MACROD2: variants seen among roughly 807,000 people sequenced by gnomAD.
MACROD2 encodes the protein mono-ADP ribosylhydrolase 2, also known as ADP-ribose glycohydrolase MACROD2.
In MACROD2, 36 loss-of-function variants were observed where a neutral mutation model predicts 70.4. That is an observed-to-expected ratio of 0.51 (90% CI 0.39 to 0.68). The LOEUF (loss-of-function observed/expected upper bound fraction) is 0.68. MACROD2 is among the 30% of genes least tolerant of loss of function. MACROD2 has a pLI of 0.00. For synonymous variants in MACROD2, 172 were observed against 178.8 expected (o/e 0.96, Z 0.30); for missense variants, 496 against 538.4 (o/e 0.92, Z 0.78).
chr20:15,458,678 C>T lies in MACROD2; in HGVS notation c.571+27243C>T, dbSNP rs76531914. Among the ~76,000 whole-genome samples, 1,199 of 148,086 alleles carry T rather than the reference C, an allele frequency of 8.1e-3. 11 individuals are homozygous for T. Among genetic ancestry groups the T allele is most frequent in the African/African-American group, 0.027 (1,094 of 40,354 alleles). On this transcript the variant is annotated intron_variant, in intron 7 of 17. Transcript: ENST00000684519. The stretch of plus-strand genomic sequence containing the variant: ...ATTGTGCCATTTATTCAGTAGGTGT[C>T]CACTCAGTACTACCTGAGATTGTCA...
chr20:14,031,239 A>C (rs2053243716), intron 2 of MACROD2, among the ~76,000 whole-genome samples: 1 of 152,204 alleles, frequency 6.6e-6, no homozygotes, highest in African/African-American at 2.4e-5. Flanking sequence ...TCTGTGAGAC[A>C]GATCTCTCTA....
At chr20:15,529,824 G>A (rs1021895610) in intron 8 of MACROD2, among the ~76,000 whole-genome samples, 11 of 152,160 alleles carry the variant, frequency 7.2e-5, no homozygotes, top group Non-Finnish European at 5.9e-5. Flanking sequence ...TAGGAGTTGG[G>A]AGAAAGAAAG....
chr20:14,317,779 C>T (rs898964944), intron 3 of MACROD2, among the ~76,000 whole-genome samples: 3 of 152,184 alleles, frequency 2.0e-5, no homozygotes, highest in South Asian at 2.1e-4. Flanking sequence ...TATGACCTTT[C>T]GAAGTCTTAA....
intron 5 of MACROD2, among the ~76,000 whole-genome samples, chr20:14,833,883 G>A (rs2072999322): frequency 6.6e-6 from 1 of 151,970 alleles, no homozygotes; most frequent in Non-Finnish European, 1.5e-5. Flanking sequence ...AATAAAAATA[G>A]TATAACAAAA....
At chr20:14,212,509 C>T (rs925304219) in intron 3 of MACROD2, among the ~76,000 whole-genome samples, 9 of 152,200 alleles carry the variant, frequency 5.9e-5, no homozygotes, top group Admixed American at 3.9e-4. Context: ...TAAATTATTT[C>T]GCCTTCTCTC....
At chr20:14,220,934 G>A (rs2081667886) in intron 3 of MACROD2, among the ~76,000 whole-genome samples, 1 of 152,132 alleles carries the variant, frequency 6.6e-6, no homozygotes, top group Non-Finnish European at 1.5e-5. Context: ...GTCCTCTCAG[G>A]ATGGCTGGTT....
intron 8 of MACROD2, among the ~76,000 whole-genome samples, chr20:15,836,952 G>A (rs2064121000): frequency 6.6e-6 from 1 of 152,158 alleles, no homozygotes; most frequent in Admixed American, 6.5e-5. Context: ...CAAGGAATGG[G>A]CCTTTGGATG....
At chr20:15,323,165 G>A (rs1257493114) in intron 6 of MACROD2, among the ~76,000 whole-genome samples, 4 of 152,126 alleles carry the variant, frequency 2.6e-5, no homozygotes, top group African/African-American at 9.7e-5. Context: ...TTGGCAGATT[G>A]CCCCCTTTAT....
chr20:15,880,924 C>G (rs1194057946), intron 9 of MACROD2, among the ~76,000 whole-genome samples: 3 of 152,100 alleles, frequency 2.0e-5, no homozygotes, highest in Admixed American at 2.0e-4. Context: ...GAAGTCTTGC[C>G]TCTTCTGGAA....
Position 14,104,593 on chromosome 20 carries a change from G to A in MACROD2, c.271+18865G>A, listed in dbSNP as rs1207311854. Among the ~76,000 whole-genome samples the A allele has an allele frequency of 2.0e-5, 3 of 152,166 alleles. No individual in the cohort carries two copies. In the East Asian group the frequency reaches 5.8e-4, roughly 29 times the overall value. On this transcript the variant is annotated intron_variant, in intron 3 of 17. Coordinates refer to ENST00000684519, the MANE Select transcript of MACROD2 (RefSeq NM_001351661.2). ...TGGTTCTTGGAGTTCACTCAGGACAGTTTTTCTGAAACTTTGAGGTTTTAC... is the reference window on the plus strand; with the variant it reads ...TGGTTCTTGGAGTTCACTCAGGACAATTTTTCTGAAACTTTGAGGTTTTAC...
intron 8 of MACROD2, among the ~76,000 whole-genome samples, chr20:15,703,888 T>G (rs1196236649): frequency 6.6e-6 from 1 of 152,074 alleles, no homozygotes; most frequent in Admixed American, 6.5e-5. Context: ...CACGATGTCT[T>G]ATTTTGTAAA....
chr20:14,114,877 T>C (rs2054496034), intron 3 of MACROD2, among the ~76,000 whole-genome samples: 1 of 152,200 alleles, frequency 6.6e-6, no homozygotes, highest in Admixed American at 6.5e-5. Flanking sequence ...ATTAAAGTAA[T>C]ATCTTCATAA....
intron 7 of MACROD2, among the ~76,000 whole-genome samples, chr20:15,472,675 C>G (rs946232166): frequency 2.0e-5 from 3 of 152,112 alleles, no homozygotes; most frequent in Admixed American, 1.3e-4. Flanking sequence ...ACCTTTTCCC[C>G]TCTTGCTATC....
intron 5 of MACROD2, among the ~76,000 whole-genome samples, chr20:14,726,379 C>A (rs6074782): frequency 6.6e-6 from 1 of 152,258 alleles, no homozygotes; most frequent in Admixed American, 6.5e-5. Context: ...TTCAGGGCAC[C>A]TTGTACACAG....
intron 3 of MACROD2, among the ~76,000 whole-genome samples, chr20:14,263,214 C>G (rs762754915): frequency 7.9e-5 from 12 of 152,110 alleles, no homozygotes; most frequent in African/African-American, 2.9e-4. Flanking sequence ...CCAAAAGAAG[C>G]CACTTAAAGT....
chr20:14,902,819 G>A (rs1401077587), intron 5 of MACROD2, among the ~76,000 whole-genome samples: 1 of 152,106 alleles, frequency 6.6e-6, no homozygotes, highest in Non-Finnish European at 1.5e-5. Context: ...AACTCCACAT[G>A]AGGGAAACAG....
intron 8 of MACROD2, among the ~76,000 whole-genome samples, chr20:15,567,256 A>C (rs1405890270): frequency 6.6e-6 from 1 of 152,220 alleles, no homozygotes; most frequent in Non-Finnish European, 1.5e-5. Context: ...GAATTATATA[A>C]AAATATTGTT....
At chr20:14,956,147 A>G (rs2074535046) in intron 5 of MACROD2, among the ~76,000 whole-genome samples, 3 of 152,122 alleles carry the variant, frequency 2.0e-5, no homozygotes, top group Admixed American at 2.0e-4. Flanking sequence ...AACTTAGTGC[A>G]TGGTTTAAGG....
rs1431782253 is a variant in MACROD2, at chr20:14,872,651, A to G, written c.418+187692A>G. 3.3e-5 allele frequency among the ~76,000 whole-genome samples: 5 copies of G among 152,178 alleles called. No individual in the cohort carries two copies. In the East Asian group the frequency reaches 9.7e-4, roughly 29 times the overall value. The stretch of plus-strand genomic sequence containing the variant: ...TTTTGAGGATTTTAGATTTGACACA[A>G]GTAAAATGGTTTAGTGTAATACCTG... On this transcript the variant is annotated intron_variant, in intron 5 of 17. Coordinates refer to ENST00000684519, the MANE Select transcript of MACROD2 (RefSeq NM_001351661.2).
Sources: allele counts gnomAD v4.1 joint callset (sites outside exome capture counted in the v4.1 genomes callset), GRCh38; gene constraint gnomAD v4.1.1; transcripts MANE v1.5; gene names NCBI Gene and HGNC (gene_info 2026-07-23, HGNC 2026-07-21).